Variants in IRAG2 observed in about 807,000 individuals in gnomAD.
IRAG2 encodes the protein inositol 1,4,5-triphosphate receptor associated 2, also known as lymphoid restricted membrane protein.
Under a neutral mutation model 69.9 loss-of-function variants are expected in IRAG2, and 45 were observed. That is an observed-to-expected ratio of 0.64 (90% confidence interval 0.51 to 0.83). IRAG2 has a LOEUF of 0.83. Ranked by LOEUF, IRAG2 falls within the 40% of genes least tolerant of loss-of-function variation. IRAG2 has a pLI of 0.00. For synonymous variants in IRAG2, 193 were observed against 202.4 expected, an observed-to-expected ratio of 0.95 and a Z score of 0.40; for missense variants, 520 against 587.0, an observed-to-expected ratio of 0.89 and a Z score of 1.18.
intron 5 of IRAG2, among the ~76,000 whole-genome samples, chr12:25,015,933 C>T (rs181849248): frequency 6.6e-6 from 1 of 152,184 alleles, no homozygotes; most frequent in South Asian, 2.1e-4. Flanking sequence ...CGGTGCCTCA[C>T]GCCTGTAATC....
At chr12:25,017,230 C>G in exon 6 of IRAG2, 6 of 1,231,974 alleles carry the variant, frequency 4.9e-6, no homozygotes, top group Non-Finnish European at 5.1e-6. Context: ...CTTTAGAAAC[C>G]CTGGAAGAAA....
At chr12:25,039,522 C>T (rs970380004) in intron 16 of IRAG2, among the ~76,000 whole-genome samples, 1 of 152,210 alleles carries the variant, frequency 6.6e-6, no homozygotes, top group Non-Finnish European at 1.5e-5. Context: ...GCTCTGCCTC[C>T]CGGGTTCAGG....
intron 1 of IRAG2, among the ~76,000 whole-genome samples, chr12:25,057,252 ATTTTT>A (rs368710047): frequency 2.9e-4 from 26 of 89,048 alleles, no homozygotes; most frequent in Admixed American, 3.3e-4. Flanking sequence ...AGGTAGACAG[ATTTTT>A]TTTTTTTTTT....
chr12:25,027,784 G>C (rs1288263541), intron 9 of IRAG2, among the ~76,000 whole-genome samples: 1 of 152,014 alleles, frequency 6.6e-6, no homozygotes, highest in Admixed American at 6.6e-5. Context: ...TGTTCAGGCT[G>C]TTTTCACTTT....
chr12:25,066,900 T>C (rs1946020325), intron 5 of IRAG2, among the ~76,000 whole-genome samples: 1 of 152,130 alleles, frequency 6.6e-6, no homozygotes, highest in South Asian at 2.1e-4. Context: ...TCTGCCCTCC[T>C]CGGCCTCCCA....
chr12:25,005,589 C>T (rs550259204), intron 2 of IRAG2, among the ~76,000 whole-genome samples: 36 of 152,226 alleles, frequency 2.4e-4, no homozygotes, highest in Admixed American at 7.2e-4. Flanking sequence ...TTGAATGATT[C>T]TTTTTGAGCT....
chr12:25,065,406 A>G (rs1497249), intron 4 of IRAG2, among the ~76,000 whole-genome samples: 52,861 of 151,938 alleles, frequency 0.35, 9,663 homozygotes, highest in East Asian at 0.67. Context: ...TGTTTTTTCT[A>G]TTAAACTCTG....
chr12:25,025,173 A>T (rs1944611248), intron 8 of IRAG2, among the ~76,000 whole-genome samples: 1 of 152,214 alleles, frequency 6.6e-6, no homozygotes, highest in Admixed American at 6.5e-5. Context: ...AGTATGTTAG[A>T]CGGTAAAAAG....
chr12:25,089,891 C>T (rs1947918586), intron 13 of IRAG2, 101 bp downstream of exon 13: 1 of 1,352,840 alleles, frequency 7.4e-7, no homozygotes, highest in South Asian at 1.2e-5. Flanking sequence ...TGCTCGGTGT[C>T]TGTTTGGCTT....
intron 3 of IRAG2, among the ~76,000 whole-genome samples, chr12:25,012,260 T>G (rs1007080515): frequency 4.1e-5 from 6 of 147,290 alleles, no homozygotes; most frequent in Non-Finnish European, 9.0e-5. Flanking sequence ...GTTCAAGCAA[T>G]TCTCCCGCCA....
chr12:25,084,003 T>C (rs945766216), intron 10 of IRAG2, among the ~76,000 whole-genome samples: 34 of 150,136 alleles, frequency 2.3e-4, no homozygotes, highest in African/African-American at 8.3e-4. Flanking sequence ...GTTAATGGCA[T>C]TGAAAGTTTT....
chr12:24,999,483 A>G (rs907952078), upstream of IRAG2, among the ~76,000 whole-genome samples: 1 of 152,254 alleles, frequency 6.6e-6, no homozygotes, highest in Admixed American at 6.5e-5. Context: ...GCAATGAAGC[A>G]TAGTTCAATC....
At chr12:25,032,949 T>A (rs1017725724) in intron 12 of IRAG2, among the ~76,000 whole-genome samples, 11 of 114,340 alleles carry the variant, frequency 9.6e-5, no homozygotes, top group African/African-American at 3.4e-4. Context: ...ACTAAGTAAC[T>A]CTTTCTTTCT....
intron 11 of IRAG2, among the ~76,000 whole-genome samples, chr12:25,089,339 A>T (rs1947868357): frequency 6.6e-6 from 1 of 152,222 alleles, no homozygotes; most frequent in African/African-American, 2.4e-5. Flanking sequence ...ATGCAAATGC[A>T]AAGAGAACAA....
At chr12:25,026,660 T>A (rs1944624357) in intron 8 of IRAG2, 1 of 406,872 alleles carries the variant, frequency 2.5e-6, no homozygotes, top group African/African-American at 2.1e-5. Context: ...GAGTAGTGGC[T>A]GAGGTTGAAT....
At chr12:25,101,095 G>A in intron 15 of IRAG2, 83 bp from the exon 16 acceptor site, 1 of 1,210,856 alleles carries the variant, frequency 8.3e-7, no homozygotes, top group East Asian at 2.5e-5. Context: ...TAGGAATGGA[G>A]TGAAGGTAAA....
At chr12:25,015,515 AG>A in intron 5 of IRAG2, 1 of 866,148 alleles carries the variant, frequency 1.2e-6, no homozygotes, top group Non-Finnish European at 1.5e-6. Flanking sequence ...GTTACAATGA[AG>A]TCACTTTGCT....
chr12:25,008,670 TG>T (rs1944451174), intron 2 of IRAG2, among the ~76,000 whole-genome samples: 1 of 152,052 alleles, frequency 6.6e-6, no homozygotes, highest in Admixed American at 6.6e-5. Flanking sequence ...ACTCAGGAGT[TG>T]GAGGCTGCAG....
chr12:25,094,924 C>A (rs1357619307), intron 14 of IRAG2, among the ~76,000 whole-genome samples: 2 of 151,714 alleles, frequency 1.3e-5, no homozygotes, highest in African/African-American at 2.4e-5. Context: ...AATTTTGTAC[C>A]CTACAATTTT....
Sources: allele counts gnomAD v4.1 joint callset (sites outside exome capture counted in the v4.1 genomes callset), GRCh38; gene constraint gnomAD v4.1.1; transcripts MANE v1.5; gene names NCBI Gene and HGNC (gene_info 2026-07-23, HGNC 2026-07-21).